Variants in DGKK observed in about 807,000 individuals in gnomAD.
DGKK encodes 142 kDa diacylglycerol kinase.
DGKK carries 35 observed loss-of-function variants against 92.2 expected under a neutral mutation model. The ratio of observed to expected loss-of-function variants is 0.38; its 90% CI spans 0.29 to 0.50. The LOEUF is 0.50. Among genes scored for constraint, DGKK ranks in the 20% least tolerant of loss-of-function variants. DGKK has a pLI of 0.92. For synonymous variants in DGKK, 368 were observed against 360.6 expected (o/e 1.02, Z -0.23); for missense variants, 910 against 992.2 (o/e 0.92, Z 1.11).
chrX:50,393,296 C>A lies in DGKK; in HGVS notation c.1451G>T (p.Trp484Leu), dbSNP rs1475375473. 1 of 1,207,587 alleles carries A rather than the reference C, an allele frequency of 8.3e-7. No individual in the cohort carries two copies. Among genetic ancestry groups the A allele is most frequent in the African/African-American group, 1.8e-5 (1 of 56,851 alleles). Residue 484 changes from tryptophan (W) to leucine (L), a missense_variant, in exon 9 of 28, where the codon TGG becomes TTG. Trp to Leu is a moderately conservative substitution (Grantham distance 61, BLOSUM62 -2). Transcript: ENST00000611977. ...CAAGGGACATGAACAGGCTGATGACCAATCAAGATTCCAGAAGTCTGAAGA... is the reference window on the plus strand; with the variant it reads ...CAAGGGACATGAACAGGCTGATGACAAATCAAGATTCCAGAAGTCTGAAGA... ...VVSSDFWNLD[W>L]SSACSCPLLI... is the part of the protein sequence containing the mutation.
chrX:50,445,630 G>A (rs947965457), intron 1 of DGKK, among the ~76,000 whole-genome samples: 4 of 110,665 alleles, frequency 3.6e-5, no homozygotes, highest in African/African-American at 9.8e-5. Context: ...ATTCTGTTCC[G>A]TTGGTCTATG....
At chrX:50,370,982 T>C (rs992739796) in intron 26 of DGKK, among the ~76,000 whole-genome samples, 18 of 112,341 alleles carry the variant, frequency 1.6e-4, no homozygotes, top group African/African-American at 4.8e-4. Context: ...TTCAGACATA[T>C]AGTTTGGTGA....
At chrX:50,457,967 A>G (rs781813983) in intron 1 of DGKK, among the ~76,000 whole-genome samples, 2 of 111,010 alleles carry the variant, frequency 1.8e-5, no homozygotes, top group South Asian at 3.8e-4. Flanking sequence ...GAGAACGGCC[A>G]TGTTTCCGAG....
At chrX:50,388,017 TACAA>T (rs1181533251) in intron 13 of DGKK, among the ~76,000 whole-genome samples, 1 of 112,259 alleles carries the variant, frequency 8.9e-6, no homozygotes, top group African/African-American at 3.2e-5. Flanking sequence ...GCTAATTTAG[TACAA>T]ACAATTATAT....
In DGKK at chrX:50,388,701, T is replaced by C. The variant is rs1468928496; in HGVS notation, c.1927-83A>G. 1.2e-4 allele frequency: 80 copies of C among 672,204 alleles called. No homozygotes were observed. In the East Asian group the frequency reaches 2.9e-3, roughly 25 times the overall value. The allele number at this position is 672,204 out of a possible 1,213,427, so 55.4% of individuals were successfully genotyped here. ...CCCATCCTCATCCCCTGCAGCCTCA[T>C]TGTTTCTTACTGACTCTACCCGCAA... is the stretch of plus-strand genomic sequence containing the variant. On this transcript the variant is annotated intron_variant, in intron 12 of 27. Coordinates refer to ENST00000611977, the MANE Select transcript of DGKK (RefSeq NM_001013742.4).
intron 23 of DGKK, among the ~76,000 whole-genome samples, 153 bp from the exon 24 acceptor site, chrX:50,376,318 G>A (rs782416103): frequency 3.0e-4 from 33 of 111,402 alleles, no homozygotes; most frequent in Non-Finnish European, 4.5e-4. Context: ...CTCTTCTCTA[G>A]GTAGCCACCT....
intron 1 of DGKK, among the ~76,000 whole-genome samples, chrX:50,449,664 C>T (rs1024111689): frequency 2.7e-5 from 3 of 110,965 alleles, no homozygotes; most frequent in Non-Finnish European, 5.7e-5. Context: ...CACTCCTGTG[C>T]TACTGTTTAC....
At position 50,386,545 on chromosome X, in the gene DGKK, G is replaced by A; in HGVS notation, c.2160C>T (p.Val720=). The A allele has an allele frequency of 8.3e-7, 1 of 1,210,770 alleles. No individual in the cohort carries two copies. Among genetic ancestry groups the A allele is most frequent in the Admixed American group, 2.2e-5 (1 of 45,917 alleles). The change falls in exon 15 of 28, where the codon GTC becomes GTT. Residue 720 remains valine, a synonymous_variant. Coordinates refer to ENST00000611977, the MANE Select transcript of DGKK (RefSeq NM_001013742.4). ...MYDRLSVLID[V]LAEEAAATSA... ...AAGTAGCTGCTGCCTCCTCAGCCAG[G>A]ACATCGATCAGGACACTGAGCCTAT...
At chrX:50,370,247 C>G (rs1924084151) in intron 27 of DGKK, among the ~76,000 whole-genome samples, 179 bp downstream of exon 27, 1 of 111,467 alleles carries the variant, frequency 9.0e-6, no homozygotes, top group African/African-American at 3.3e-5. Context: ...GTCCATATCA[C>G]TTTCTCTCAC....
At chrX:50,393,373 G>A (rs1300739279) in intron 8 of DGKK, 38 bp from the exon 9 acceptor site, 6 of 1,107,508 alleles carry the variant, frequency 5.4e-6, no homozygotes, top group East Asian at 3.0e-5. Flanking sequence ...AAAAAAGAAC[G>A]GACCCGTTGA....
At chrX:50,443,993 A>G (rs1557231516) in intron 1 of DGKK, among the ~76,000 whole-genome samples, 2 of 111,337 alleles carry the variant, frequency 1.8e-5, no homozygotes, top group Non-Finnish European at 3.8e-5. Flanking sequence ...TACACTCAGC[A>G]TAATTCCCTT....
intron 1 of DGKK, among the ~76,000 whole-genome samples, chrX:50,448,850 C>T (rs1287955017): frequency 1.8e-5 from 2 of 111,261 alleles, no homozygotes; most frequent in African/African-American, 6.5e-5. Context: ...TCTTCATTGC[C>T]CCAGAGGGAC....
At chrX:50,466,834 A>AAT (rs376784764) in intron 1 of DGKK, among the ~76,000 whole-genome samples, 129 of 111,753 alleles carry the variant, frequency 1.2e-3, no homozygotes, top group African/African-American at 3.8e-3. Context: ...AATGTACAAA[A>AAT]ATATCAGTTT....
chrX:50,459,929 T>A (rs1569545207), intron 1 of DGKK, among the ~76,000 whole-genome samples: 1 of 112,578 alleles, frequency 8.9e-6, no homozygotes, highest in African/African-American at 3.2e-5. Flanking sequence ...TACACTTAGC[T>A]GTTTTAATAA....
Position 50,447,808 on chromosome X carries a change from A to G in DGKK, c.645+22226T>C, listed in dbSNP as rs150116442. Among the ~76,000 whole-genome samples, 503 of 110,106 alleles carry G rather than the reference A, an allele frequency of 4.6e-3. 2 individuals carry two copies. Among genetic ancestry groups the G allele is most frequent in the Non-Finnish European group, 8.2e-3 (430 of 52,673 alleles). On this transcript the variant is annotated intron_variant, in intron 1 of 27. Transcript: ENST00000611977. ...AATTCTCTTGGGAAGGAGGGGGAGCAGTAACTCAGATCTTCTGTATTCTTT... is the reference window on the plus strand; with the variant it reads ...AATTCTCTTGGGAAGGAGGGGGAGCGGTAACTCAGATCTTCTGTATTCTTT...
chrX:50,398,968 G>C (rs1241007539), intron 8 of DGKK, among the ~76,000 whole-genome samples: 1 of 112,488 alleles, frequency 8.9e-6, no homozygotes, highest in African/African-American at 3.2e-5. Flanking sequence ...AACTAGGCAA[G>C]TATCTCTTAT....
chrX:50,413,133 T>C (rs1925345169), intron 4 of DGKK, among the ~76,000 whole-genome samples: 1 of 108,299 alleles, frequency 9.2e-6, no homozygotes. Context: ...CATGGAAAAA[T>C]TGTCTTCCAT....
chrX:50,386,418 C>T lies in DGKK; in HGVS notation c.2287G>A (p.Ala763Thr), dbSNP rs1333447060. 9 of 1,208,964 alleles carry T rather than the reference C, an allele frequency of 7.4e-6. No homozygotes were observed. Among genetic ancestry groups the T allele is most frequent in the African/African-American group, 7.0e-5 (4 of 56,945 alleles). Residue 763 changes from alanine to threonine, a missense_variant, in exon 15 of 28, where the codon GCT becomes ACT. Ala to Thr is a moderately conservative substitution (Grantham distance 58, BLOSUM62 0). Coordinates refer to ENST00000611977, the MANE Select transcript of DGKK (RefSeq NM_001013742.4). ...DHIAKCKLEL[A>T]TKAQSLQKSL... ...TTCTGGAGACTCTGGGCCTTTGTAG[C>T]CAGCTCCAACTTGCACTTGGCTATG...
rs782030192 is a variant in DGKK at position 50,375,117 on chromosome X, G to A, written c.3415-60C>T. ...ACAAAGACAGGGGAGTTGTTGGTTA[G>A]TAAGCATGCAGCTGTCTTCTCCGTG... is the stretch of plus-strand genomic sequence containing the variant. On this transcript the variant is annotated intron_variant, in intron 24 of 27. Transcript: ENST00000611977. 1.2e-4 allele frequency: 112 copies of A among 928,004 alleles called. No homozygotes were observed. The African/African-American group carries it at 2.0e-3, about 17-fold the overall frequency. The allele number at this position is 928,004 out of a possible 1,213,427, so 76.5% of individuals were successfully genotyped here.
Sources: allele counts gnomAD v4.1 joint callset (sites outside exome capture counted in the v4.1 genomes callset), GRCh38; gene constraint gnomAD v4.1.1; transcripts MANE v1.5; gene names NCBI Gene and HGNC (gene_info 2026-07-23, HGNC 2026-07-21).